Variants in GRIA4 observed in about 807,000 individuals in gnomAD.
GRIA4 encodes the protein glutamate ionotropic receptor AMPA type subunit 4.
A neutral mutation model predicts 104.0 loss-of-function variants in GRIA4; 34 were observed. The ratio of observed to expected loss-of-function variants is 0.33; its 90% CI spans 0.25 to 0.44. The LOEUF (loss-of-function observed/expected upper bound fraction) is 0.44, where lower values mean the gene tolerates loss of function less well. Ranked by LOEUF, GRIA4 falls within the 20% of genes least tolerant of loss-of-function variation. The pLI is 1.00. For synonymous variants in GRIA4, 386 were observed against 381.9 expected, an observed-to-expected ratio of 1.01 and a Z score of -0.13; for missense variants, 750 against 1,096.5, an observed-to-expected ratio of 0.68 and a Z score of 4.46.
At chr11:105,880,378 C>T (rs1329408586) in intron 5 of GRIA4, among the ~76,000 whole-genome samples, 1 of 152,188 alleles carries the variant, frequency 6.6e-6, no homozygotes, top group African/African-American at 2.4e-5. Context: ...TAGCCATTGG[C>T]AGTTCCATGG....
At chr11:105,729,541 CAG>C (rs1220706895) in intron 3 of GRIA4, among the ~76,000 whole-genome samples, 1 of 152,122 alleles carries the variant, frequency 6.6e-6, no homozygotes, top group African/African-American at 2.4e-5. Flanking sequence ...CAAAACCTGG[CAG>C]AGACACAACA....
intron 3 of GRIA4, among the ~76,000 whole-genome samples, chr11:105,719,139 C>T (rs527848921): frequency 1.1e-4 from 17 of 152,138 alleles, no homozygotes; most frequent in Middle Eastern, 3.4e-3. Context: ...GGCATTCGTA[C>T]CTGATCTTAG....
intron 14 of GRIA4, among the ~76,000 whole-genome samples, chr11:105,942,576 G>A (rs1268224302): frequency 6.6e-6 from 1 of 151,998 alleles, no homozygotes; most frequent in Non-Finnish European, 1.5e-5. Context: ...CAGTCCTACA[G>A]CTAAGACTAG....
intron 4 of GRIA4, among the ~76,000 whole-genome samples, chr11:105,818,951 A>T (rs1943481484): frequency 1.3e-5 from 2 of 152,208 alleles, no homozygotes; most frequent in Non-Finnish European, 2.9e-5. Flanking sequence ...TACGTTAATT[A>T]GGTTAAATTT....
rs1024317989 is a variant in GRIA4 at position 105,979,886 on chromosome 11, C to G, written c.*147C>G. 3.6e-6 allele frequency: 2 copies of G among 554,292 alleles called. No individual in the cohort carries two copies. Among genetic ancestry groups the G allele is most frequent in the Non-Finnish European group, 6.4e-6 (2 of 310,482 alleles). The allele number at this position is 554,292 out of a possible 1,614,324, so 34.3% of individuals were successfully genotyped here. On this transcript the variant is annotated 3_prime_UTR_variant, in exon 17 of 17. Transcript: ENST00000282499. ...CCGTCCTAACGCGCTGGCCGGACAT[C>G]AGCAGCAGCAACGTGTGCATGAGCT...
At chr11:105,809,880 C>A (rs1275167701) in intron 4 of GRIA4, among the ~76,000 whole-genome samples, 2 of 152,092 alleles carry the variant, frequency 1.3e-5, no homozygotes, top group African/African-American at 4.8e-5. Flanking sequence ...CATTACCCAT[C>A]CCCTCTTTAT....
intron 4 of GRIA4, among the ~76,000 whole-genome samples, chr11:105,795,398 G>C (rs181054198): frequency 1.3e-5 from 2 of 152,116 alleles, no homozygotes; most frequent in African/African-American, 4.8e-5. Context: ...GAGAAGTCAT[G>C]CCTTGGCTCC....
intron 3 of GRIA4, chr11:105,707,675 G>A (rs553614407): frequency 6.6e-6 from 1 of 152,324 alleles, no homozygotes; most frequent in South Asian, 2.1e-4. Context: ...AAGAATGCAG[G>A]TGTTGAAAGA....
At chr11:105,701,397 C>T (rs1162368942) in intron 3 of GRIA4, among the ~76,000 whole-genome samples, 3 of 152,160 alleles carry the variant, frequency 2.0e-5, no homozygotes, top group Non-Finnish European at 2.9e-5. Context: ...CATATTACAT[C>T]TACTTGGAAG....
intron 4 of GRIA4, among the ~76,000 whole-genome samples, chr11:105,814,667 T>C (rs540159171): frequency 5.9e-5 from 9 of 152,198 alleles, no homozygotes; most frequent in South Asian, 2.1e-4. Context: ...TTTAAGTGTA[T>C]ACAGAAAGGG....
chr11:105,616,241 T>C (rs2135255161), intron 3 of GRIA4, among the ~76,000 whole-genome samples: 1 of 151,908 alleles, frequency 6.6e-6, no homozygotes, highest in South Asian at 2.1e-4. Flanking sequence ...TTTATTCAAT[T>C]GTTTACAAGA....
chr11:105,722,178 G>A (rs1006606020), intron 3 of GRIA4, among the ~76,000 whole-genome samples: 14 of 152,148 alleles, frequency 9.2e-5, no homozygotes, highest in African/African-American at 3.1e-4. Flanking sequence ...GAATATTTCT[G>A]TATACAGACA....
At chr11:105,626,255 G>T (rs1950883450) in intron 3 of GRIA4, among the ~76,000 whole-genome samples, 1 of 151,814 alleles carries the variant, frequency 6.6e-6, no homozygotes, top group Non-Finnish European at 1.5e-5. Flanking sequence ...GGATAAAGGA[G>T]AGCACACATA....
At chr11:105,793,738 T>C (rs1256917543) in intron 4 of GRIA4, among the ~76,000 whole-genome samples, 1 of 152,066 alleles carries the variant, frequency 6.6e-6, no homozygotes, top group African/African-American at 2.4e-5. Context: ...GGAAGGAAAG[T>C]GGGGATATCA....
At chr11:105,871,048 C>T (rs917646505) in intron 5 of GRIA4, among the ~76,000 whole-genome samples, 4 of 151,944 alleles carry the variant, frequency 2.6e-5, no homozygotes, top group Non-Finnish European at 5.9e-5. Context: ...TATTGAGTGC[C>T]TGTTATAGGT....
intron 14 of GRIA4, among the ~76,000 whole-genome samples, chr11:105,942,234 T>C (rs1203277929): frequency 6.6e-6 from 1 of 151,778 alleles, no homozygotes; most frequent in Non-Finnish European, 1.5e-5. Flanking sequence ...AGAGGAAAAA[T>C]GGCACAGGAC....
At chr11:105,656,162 C>T (rs754682756) in intron 3 of GRIA4, among the ~76,000 whole-genome samples, 1 of 152,076 alleles carries the variant, frequency 6.6e-6, no homozygotes, top group Non-Finnish European at 1.5e-5. Context: ...TATCCTTTGC[C>T]TACTTTTTGA....
chr11:105,959,819 C>T (rs565192845), intron 14 of GRIA4, among the ~76,000 whole-genome samples: 81 of 152,090 alleles, frequency 5.3e-4, no homozygotes, highest in Non-Finnish European at 8.5e-4. Context: ...GTTGCTGATG[C>T]GGTTGTTGCT....
chr11:105,957,492 C>G (rs1948621486), intron 14 of GRIA4, among the ~76,000 whole-genome samples: 1 of 152,150 alleles, frequency 6.6e-6, no homozygotes. Flanking sequence ...GTACCAGTAC[C>G]ATGCTGTTTT....
Sources: allele counts gnomAD v4.1 joint callset (sites outside exome capture counted in the v4.1 genomes callset), GRCh38; gene constraint gnomAD v4.1.1; transcripts MANE v1.5; gene names NCBI Gene and HGNC (gene_info 2026-07-23, HGNC 2026-07-21).